POU6F2: variants seen among roughly 807,000 people sequenced by gnomAD.
POU6F2 encodes POU domain, class 6, transcription factor 2.
POU6F2 carries 31 observed loss-of-function variants against 71.3 expected under a neutral mutation model. The observed-to-expected ratio is 0.43, with a 90% CI of 0.33 to 0.59. The LOEUF is 0.59. POU6F2 is among the 20% of genes least tolerant of loss of function. The pLI is 0.04. For missense variants in POU6F2, 783 were observed against 856.8 expected, an observed-to-expected ratio of 0.91 and a Z score of 1.07; for synonymous variants, 347 against 355.7, an observed-to-expected ratio of 0.98 and a Z score of 0.27.
At chr7:39,194,710 C>T (rs1476471830) in intron 2 of POU6F2, among the ~76,000 whole-genome samples, 3 of 152,202 alleles carry the variant, frequency 2.0e-5, no homozygotes, top group African/African-American at 4.8e-5. Context: ...TTTGTTCTTT[C>T]GTTCTTCACA....
intron 4 of POU6F2, among the ~76,000 whole-genome samples, chr7:39,321,890 T>TAG (rs1583523099): frequency 2.0e-5 from 3 of 151,392 alleles, no homozygotes; most frequent in Non-Finnish European, 4.4e-5. Context: ...TTTATATATA[T>TAG]ATAGAGAGAG....
chr7:38,990,314 T>C (rs762252092), intron 1 of POU6F2, among the ~76,000 whole-genome samples: 4 of 152,164 alleles, frequency 2.6e-5, no homozygotes, highest in Admixed American at 1.3e-4. Flanking sequence ...TCTGGCTGTT[T>C]TCAACTAACC....
At chr7:39,095,755 A>G (rs1791442819) in intron 2 of POU6F2, among the ~76,000 whole-genome samples, 1 of 152,204 alleles carries the variant, frequency 6.6e-6, no homozygotes, top group African/African-American at 2.4e-5. Context: ...AGTTAAAACA[A>G]GAACCACAAA....
At chr7:39,304,713 A>G (rs1785018218) in intron 4 of POU6F2, among the ~76,000 whole-genome samples, 1 of 152,240 alleles carries the variant, frequency 6.6e-6, no homozygotes, top group African/African-American at 2.4e-5. Context: ...CACACACAGC[A>G]TTCCTTTCTA....
intron 1 of POU6F2, among the ~76,000 whole-genome samples, chr7:39,067,626 G>A (rs11765779): frequency 0.17 from 26,019 of 151,842 alleles, 2,354 homozygotes; most frequent in Middle Eastern, 0.2. Flanking sequence ...TTGTTGCAAG[G>A]TGTCAAAATC....
chr7:39,108,719 C>T (rs774518179), intron 2 of POU6F2, among the ~76,000 whole-genome samples: 12 of 152,100 alleles, frequency 7.9e-5, no homozygotes, highest in Non-Finnish European at 1.5e-4. Context: ...TATCTATCTA[C>T]AGATTCTAGT....
chr7:39,289,028 G>A (rs1011131848), intron 4 of POU6F2, among the ~76,000 whole-genome samples: 6 of 152,120 alleles, frequency 3.9e-5, no homozygotes, highest in Non-Finnish European at 8.8e-5. Context: ...CCCCTAAACT[G>A]GAGCTACCTA....
chr7:39,140,581 A>T (rs1792476560), intron 2 of POU6F2, among the ~76,000 whole-genome samples: 1 of 151,980 alleles, frequency 6.6e-6, no homozygotes, highest in Non-Finnish European at 1.5e-5. Context: ...TCCATGACCT[A>T]TTTCCTCATC....
chr7:39,089,772 C>T (rs894311551), intron 2 of POU6F2, among the ~76,000 whole-genome samples: 3 of 152,256 alleles, frequency 2.0e-5, no homozygotes, highest in African/African-American at 4.8e-5. Context: ...CACTCTCAGC[C>T]GAAGAAGTGA....
In POU6F2 at chr7:39,295,005, A is replaced by G. The variant is rs543430289; in HGVS notation, c.599-44637A>G. On this transcript the variant is annotated intron_variant, in intron 4 of 9. Coordinates refer to ENST00000518318, the MANE Select transcript of POU6F2 (RefSeq NM_001370959.1). ...TGGCGAATGAAACAGGAATTCCACA[A>G]TACTTCATGGATTCAGAGAAACAGA... 2.7e-4 allele frequency among the ~76,000 whole-genome samples: 41 copies of G among 152,354 alleles called. No homozygotes were observed. In the South Asian group the frequency reaches 8.3e-3, roughly 31 times the overall value.
intron 2 of POU6F2, among the ~76,000 whole-genome samples, chr7:39,131,521 C>G (rs917415850): frequency 1.3e-5 from 2 of 152,130 alleles, no homozygotes; most frequent in African/African-American, 4.8e-5. Context: ...ACCGAGGCGG[C>G]CACCCTTTAA....
intron 1 of POU6F2, among the ~76,000 whole-genome samples, chr7:38,993,701 T>G (rs1020601563): frequency 6.8e-6 from 1 of 147,498 alleles, no homozygotes; most frequent in Non-Finnish European, 1.5e-5. Context: ...TTTTTTTTGG[T>G]CTTTTCACAA....
At chr7:39,180,318 AG>A (rs1793412675) in intron 2 of POU6F2, among the ~76,000 whole-genome samples, 1 of 152,226 alleles carries the variant, frequency 6.6e-6, no homozygotes, top group Non-Finnish European at 1.5e-5. Context: ...AGAGCATAAA[AG>A]GGAAGGTAGA....
chr7:39,093,781 CTTTATT>C (rs1394494270), intron 2 of POU6F2, among the ~76,000 whole-genome samples: 1 of 152,024 alleles, frequency 6.6e-6, no homozygotes, highest in Non-Finnish European at 1.5e-5. Context: ...CACTTCCATA[CTTTATT>C]TTTGTTTCCC....
chr7:39,079,859 G>A (rs1328521067), intron 1 of POU6F2, among the ~76,000 whole-genome samples: 1 of 152,192 alleles, frequency 6.6e-6, no homozygotes, highest in Non-Finnish European at 1.5e-5. Flanking sequence ...ACGCTTTATA[G>A]TGAAGTGCAT....
At chr7:39,031,924 C>T (rs921195088) in intron 1 of POU6F2, among the ~76,000 whole-genome samples, 1 of 151,950 alleles carries the variant, frequency 6.6e-6, no homozygotes, top group African/African-American at 2.4e-5. Context: ...AGACTCAGAA[C>T]TCCATGAGAT....
chr7:39,442,345 G>A (rs1788425178), intron 7 of POU6F2, among the ~76,000 whole-genome samples: 1 of 152,172 alleles, frequency 6.6e-6, no homozygotes. Context: ...GAAGTGAAGG[G>A]ATCTATTAGA....
intron 5 of POU6F2, among the ~76,000 whole-genome samples, chr7:39,363,924 C>A (rs1786445454): frequency 6.6e-6 from 1 of 150,772 alleles, no homozygotes. Context: ...ATAGACAATT[C>A]TTTTCTGGCA....
chr7:38,991,612 T>C (rs1329550729), intron 1 of POU6F2, among the ~76,000 whole-genome samples: 2 of 152,184 alleles, frequency 1.3e-5, no homozygotes, highest in Non-Finnish European at 2.9e-5. Flanking sequence ...GTGAAAAGTA[T>C]GTTCACATGA....
Sources: allele counts gnomAD v4.1 joint callset (sites outside exome capture counted in the v4.1 genomes callset), GRCh38; gene constraint gnomAD v4.1.1; transcripts MANE v1.5; gene names NCBI Gene and HGNC (gene_info 2026-07-23, HGNC 2026-07-21).